Variants in RAPGEF1 observed in about 807,000 individuals in gnomAD.
RAPGEF1 encodes the protein Rap guanine nucleotide exchange factor 1.
A neutral mutation model predicts 143.3 loss-of-function variants in RAPGEF1; 33 were observed. The ratio of observed to expected loss-of-function variants is 0.23; its 90% CI spans 0.17 to 0.31. RAPGEF1 has a LOEUF of 0.31. Ranked by LOEUF, RAPGEF1 falls within the 10% of genes least tolerant of loss-of-function variation. The pLI, the probability that RAPGEF1 is intolerant of heterozygous loss-of-function variation, is 1.00. For missense variants in RAPGEF1, 1,199 were observed against 1,645.4 expected (o/e 0.73, Z 4.69); for synonymous variants, 629 against 676.5 (o/e 0.93, Z 1.09).
intron 1 of RAPGEF1, 50 bp downstream of exon 1, chr9:131,739,720 C>T (rs947622306): frequency 2.8e-5 from 30 of 1,064,610 alleles, no homozygotes; most frequent in Admixed American, 5.6e-5. Context: ...AGCGGCGGAG[C>T]CCCAGGGCCG....
At chr9:131,731,439 C>G (rs932627216) in intron 1 of RAPGEF1, among the ~76,000 whole-genome samples, 3 of 152,248 alleles carry the variant, frequency 2.0e-5, no homozygotes, top group Middle Eastern at 3.4e-3. Context: ...TGTTTCCAAC[C>G]AGGGGTTTTG....
At chr9:131,647,643 G>C (rs1970004526) in intron 3 of RAPGEF1, among the ~76,000 whole-genome samples, 1 of 152,246 alleles carries the variant, frequency 6.6e-6, no homozygotes. Flanking sequence ...ACTCTGGGAA[G>C]TTTCTCAATG....
At chr9:131,587,489 C>T (rs993841437) in intron 22 of RAPGEF1, among the ~76,000 whole-genome samples, 2 of 152,234 alleles carry the variant, frequency 1.3e-5, no homozygotes, top group African/African-American at 4.8e-5. Flanking sequence ...TGGCAGACAT[C>T]GCTCCTCGAC....
intron 22 of RAPGEF1, among the ~76,000 whole-genome samples, 182 bp downstream of exon 22, chr9:131,587,554 C>A (rs1360156874): frequency 6.6e-6 from 1 of 152,174 alleles, no homozygotes; most frequent in Admixed American, 6.5e-5. Flanking sequence ...TCCAGCAAGC[C>A]CCATCCTGTC....
At chr9:131,580,129 C>A in intron 26 of RAPGEF1, 134 bp downstream of exon 26, 1 of 1,226,474 alleles carries the variant, frequency 8.2e-7, no homozygotes, top group African/African-American at 1.5e-5. Context: ...CTGAAGGGCC[C>A]GGACTATATC....
rs980203527 is a variant in RAPGEF1, at chr9:131,707,198, C to T, written c.61+32572G>A. On this transcript the variant is annotated intron_variant, in intron 1 of 26. Transcript: ENST00000683357. ...CACGGTGCTGAATTCAGAAGAGTAC[C>T]GCATCTTGGTCTGCTTCAGTAAATA... Among the ~76,000 whole-genome samples, 5 of 152,186 alleles carry T rather than the reference C, an allele frequency of 3.3e-5. 1 individual carries two copies. Among genetic ancestry groups the T allele is most frequent in the African/African-American group, 7.2e-5 (3 of 41,444 alleles).
chr9:131,701,485 A>G (rs1834641537), intron 1 of RAPGEF1, among the ~76,000 whole-genome samples: 1 of 152,256 alleles, frequency 6.6e-6, no homozygotes, highest in Non-Finnish European at 1.5e-5. Context: ...TAATATACAC[A>G]GACCTTTCAG....
chr9:131,585,708 G>T (rs1234104713), intron 22 of RAPGEF1, among the ~76,000 whole-genome samples: 1 of 151,998 alleles, frequency 6.6e-6, no homozygotes, highest in Non-Finnish European at 1.5e-5. Context: ...TGATCTCGGG[G>T]CCTTTAAAAC....
chr9:131,688,816 C>G (rs567406400), intron 1 of RAPGEF1, among the ~76,000 whole-genome samples: 2 of 152,070 alleles, frequency 1.3e-5, no homozygotes, highest in African/African-American at 2.4e-5. Context: ...GAGAATCACT[C>G]GAACCCGGGA....
chr9:131,656,607 C>T (rs1046589340), intron 1 of RAPGEF1, among the ~76,000 whole-genome samples: 1 of 152,244 alleles, frequency 6.6e-6, no homozygotes, highest in African/African-American at 2.4e-5. Context: ...GCTTTCTCCA[C>T]TGTCTACTGC....
intron 12 of RAPGEF1, among the ~76,000 whole-genome samples, chr9:131,617,263 A>G (rs1959150471): frequency 6.6e-6 from 1 of 152,252 alleles, no homozygotes. Context: ...AGATTTGTGA[A>G]AGGAGCTTGC....
At chr9:131,724,352 T>C (rs1341907904) in intron 1 of RAPGEF1, among the ~76,000 whole-genome samples, 1 of 152,168 alleles carries the variant, frequency 6.6e-6, no homozygotes, top group Non-Finnish European at 1.5e-5. Context: ...TCCCAGCACT[T>C]TGGGAGGCCG....
chr9:131,715,349 C>G (rs919246214), intron 1 of RAPGEF1, among the ~76,000 whole-genome samples: 1 of 152,074 alleles, frequency 6.6e-6, no homozygotes, highest in African/African-American at 2.4e-5. Flanking sequence ...GAAGGATGAG[C>G]AGAGCTGGAC....
At chr9:131,716,560 G>A (rs146021547) in intron 1 of RAPGEF1, among the ~76,000 whole-genome samples, 9 of 152,296 alleles carry the variant, frequency 5.9e-5, no homozygotes, top group South Asian at 4.1e-4. Flanking sequence ...GAGCCCAGGC[G>A]TTTGAGACCT....
chr9:131,646,986 G>A (rs950667115), intron 3 of RAPGEF1, among the ~76,000 whole-genome samples: 3 of 152,080 alleles, frequency 2.0e-5, no homozygotes, highest in African/African-American at 4.8e-5. Context: ...AAGAGCACTC[G>A]GATCCAATCT....
intron 1 of RAPGEF1, among the ~76,000 whole-genome samples, chr9:131,654,534 T>TA (rs1378749794): frequency 6.6e-6 from 1 of 152,062 alleles, no homozygotes; most frequent in Non-Finnish European, 1.5e-5. Flanking sequence ...AGTGAGACTT[T>TA]GTCTCTACCT....
At chr9:131,709,957 A>C in intron 1 of RAPGEF1, 1 of 985,308 alleles carries the variant, frequency 1.0e-6, no homozygotes, top group Non-Finnish European at 1.2e-6. Context: ...CTATATTAAG[A>C]AGCTCTTTCC....
intron 1 of RAPGEF1, among the ~76,000 whole-genome samples, chr9:131,708,732 T>TCTTTCTTC (rs1250022190): frequency 6.6e-6 from 1 of 151,424 alleles, no homozygotes; most frequent in East Asian, 1.9e-4. Context: ...TATTTCTTTT[T>TCTTTCTTC]CTTTCTTTCT....
In RAPGEF1 at chr9:131,589,039, A is replaced by G. The variant is rs1953706983; in HGVS notation, c.2868-53T>C. On this transcript the variant is annotated intron_variant, in intron 19 of 26. Coordinates refer to ENST00000683357, the MANE Select transcript of RAPGEF1 (RefSeq NM_001377935.1). ...GAGCAGGAACGCAAGGCCCAGGCAG[A>G]GTCTGTCTTTGCCTTGAGACACACA... The G allele has an allele frequency of 1.9e-6, 3 of 1,563,068 alleles. No individual in the cohort carries two copies. In the South Asian group the frequency reaches 3.5e-5, roughly 18 times the overall value.
Sources: gnomAD v4.1 joint callset for allele counts (sites outside exome capture counted in the v4.1 genomes callset) on GRCh38, gnomAD v4.1.1 for gene constraint, MANE v1.5 for transcripts, NCBI Gene and HGNC (gene_info 2026-07-23, HGNC 2026-07-21) for gene names.